Variants in SYNJ1 observed in about 807,000 individuals in gnomAD.
SYNJ1 encodes the protein polyphosphatidylinositol phosphatase SYNJ1.
In SYNJ1, 78 loss-of-function variants were observed where a neutral mutation model predicts 168.2. The ratio of observed to expected loss-of-function variants is 0.46; its 90% CI spans 0.39 to 0.56. The LOEUF (loss-of-function observed/expected upper bound fraction) is 0.56, where lower values mean the gene tolerates loss of function less well. SYNJ1 is among the 20% of genes least tolerant of loss of function. SYNJ1 has a pLI of 0.00. For synonymous variants in SYNJ1, 539 were observed against 548.6 expected, an observed-to-expected ratio of 0.98 and a Z score of 0.24; for missense variants, 1,303 against 1,597.6, an observed-to-expected ratio of 0.82 and a Z score of 3.14.
At chr21:32,694,140 C>T (rs2042121437) in intron 6 of SYNJ1, 88 bp downstream of exon 6, 1 of 875,906 alleles carries the variant, frequency 1.1e-6, no homozygotes, top group Non-Finnish European at 1.6e-6. Context: ...ATGGAACCAT[C>T]AATGAATTAA....
chr21:32,727,272 A>G (rs1181546316), intron 1 of SYNJ1, among the ~76,000 whole-genome samples: 1 of 152,166 alleles, frequency 6.6e-6, no homozygotes, highest in Non-Finnish European at 1.5e-5. Flanking sequence ...AAGATCTGTC[A>G]CTACGTTGAA....
intron 2 of SYNJ1, among the ~76,000 whole-genome samples, chr21:32,713,021 A>C (rs1332875056): frequency 6.6e-6 from 1 of 152,280 alleles, no homozygotes; most frequent in African/African-American, 2.4e-5. Context: ...AATTGGAAAT[A>C]AAGCAAATGT....
At chr21:32,705,807 G>A (rs985586049) in intron 2 of SYNJ1, among the ~76,000 whole-genome samples, 2 of 152,072 alleles carry the variant, frequency 1.3e-5, no homozygotes, top group Non-Finnish European at 2.9e-5. Flanking sequence ...GCAACGTGGC[G>A]AGACCCTGTC....
intron 18 of SYNJ1, among the ~76,000 whole-genome samples, chr21:32,663,665 A>G (rs554155295): frequency 1.3e-5 from 2 of 152,338 alleles, no homozygotes; most frequent in South Asian, 4.1e-4. Flanking sequence ...TGGCCCCCTG[A>G]GAGAATCATA....
intron 7 of SYNJ1, 141 bp downstream of exon 7, chr21:32,688,165 G>C (rs2041896406): frequency 1.4e-6 from 1 of 728,032 alleles, no homozygotes; most frequent in Admixed American, 3.0e-5. Flanking sequence ...CGTAACACTA[G>C]GTGTCACTGT....
intron 1 of SYNJ1, 108 bp downstream of exon 1, chr21:32,727,838 G>A: frequency 1.3e-6 from 2 of 1,492,010 alleles, no homozygotes; most frequent in East Asian, 2.6e-5. Context: ...GCCCCTCACC[G>A]CTCCCGCTGA....
chr21:32,631,259 T>C lies in SYNJ1; in HGVS notation c.*546A>G. The C allele has an allele frequency of 6.2e-7, 1 of 1,614,236 alleles. No homozygotes were observed. The highest frequency in any genetic ancestry group is 8.5e-7 in the Non-Finnish European group (1 of 1,180,044). On this transcript the variant is annotated 3_prime_UTR_variant, in exon 33 of 33. Coordinates refer to ENST00000674351, the MANE Select transcript of SYNJ1 (RefSeq NM_203446.3). Reference sequence around the variant, plus strand: ...TCCCTTTCACACCAAAATCCTCTTCTTCCTCGAAGGTTACCCATCCTTTCG... The same window carrying C: ...TCCCTTTCACACCAAAATCCTCTTCCTCCTCGAAGGTTACCCATCCTTTCG...
chr21:32,635,589 A>C (rs767660924), intron 31 of SYNJ1, among the ~76,000 whole-genome samples: 1 of 152,188 alleles, frequency 6.6e-6, no homozygotes, highest in African/African-American at 2.4e-5. Flanking sequence ...ACCCAAGCAG[A>C]CTAAGACACA....
chr21:32,704,045 T>C (rs1254395476), intron 2 of SYNJ1, among the ~76,000 whole-genome samples: 2 of 152,170 alleles, frequency 1.3e-5, no homozygotes, highest in Non-Finnish European at 2.9e-5. Context: ...CACCTTCCTT[T>C]AGAAAACAGA....
Position 32,629,550 on chromosome 21 carries a change from T to A in SYNJ1, c.*2255A>T, listed in dbSNP as rs910764943. 9.2e-5 allele frequency: 14 copies of A among 152,806 alleles called. No individual in the cohort carries two copies. The South Asian group carries it at 2.9e-3, about 32-fold the overall frequency. 9.5% of individuals were successfully genotyped at this position (152,806 alleles called of 1,614,324 possible). On this transcript the variant is annotated 3_prime_UTR_variant, in exon 33 of 33. Transcript: ENST00000674351. The stretch of plus-strand genomic sequence containing the variant: ...TTAACATTCTACATATTCGTAGCCA[T>A]GAACGCTATTTTTTGATATTCCCTC...
At chr21:32,653,531 T>G in intron 21 of SYNJ1, 165 bp from the exon 22 acceptor site, 1 of 577,142 alleles carries the variant, frequency 1.7e-6, no homozygotes, top group Admixed American at 3.1e-5. Flanking sequence ...GAGGGCACTC[T>G]TCCCCTAAAA....
rs907274012 is a variant in SYNJ1, at chr21:32,642,130, G to A, written c.3482C>T (p.Pro1161Leu). Residue 1161 changes from proline to leucine, a missense_variant, in exon 28 of 33, where the codon CCC (proline) becomes CTC (leucine). By Grantham distance (98) the Pro-to-Leu change is moderately conservative. Transcript: ENST00000674351. ...TTTCCTTGTTGTTCCAGGGCTTTTG[G>A]GTGCTTTGAAGCAAGAAGGGAAAAA... ...PGVARREMEAPKSPGTTRKDN... is the reference protein window; with the variant it reads ...PGVARREMEALKSPGTTRKDN... 6.2e-7 allele frequency: 1 copy of A among 1,613,842 alleles called. No homozygotes were observed. Among genetic ancestry groups the A allele is most frequent in the Non-Finnish European group, 8.5e-7 (1 of 1,179,998 alleles).
intron 18 of SYNJ1, among the ~76,000 whole-genome samples, chr21:32,659,630 C>T (rs947211614): frequency 6.6e-6 from 1 of 152,118 alleles, no homozygotes; most frequent in African/African-American, 2.4e-5. Context: ...TCACATACCC[C>T]CTGCTTGCTC....
At chr21:32,639,156 T>C in intron 30 of SYNJ1, 31 bp from the exon 31 acceptor site, 2 of 1,575,972 alleles carry the variant, frequency 1.3e-6, no homozygotes, top group Non-Finnish European at 1.7e-6. Flanking sequence ...AGATGTTAGG[T>C]ATATTCTAGA....
chr21:32,634,181 A>C (rs1204124157), intron 32 of SYNJ1, among the ~76,000 whole-genome samples: 2 of 152,210 alleles, frequency 1.3e-5, no homozygotes, highest in Non-Finnish European at 2.9e-5. Flanking sequence ...TGCATATATA[A>C]GAAAATTTTT....
In SYNJ1 at chr21:32,702,059, AG is replaced by A. The variant is rs763797914; in HGVS notation, c.125-13del. The stretch of plus-strand genomic sequence containing the variant: ...TTTTTCTGCAGATGCTACAAAAAAA[AG>A]TTTTAGTTTAAGAAAAATGACCTGA... On this transcript the variant is annotated splice_polypyrimidine_tract_variant and intron_variant, in intron 2 of 32. Transcript: ENST00000674351. 14 of 1,547,630 alleles carry A rather than the reference AG, an allele frequency of 9.0e-6. No homozygotes were observed. In the East Asian group the frequency reaches 3.2e-4, roughly 35 times the overall value.
At chr21:32,718,773 T>C (rs1480820688) in intron 2 of SYNJ1, among the ~76,000 whole-genome samples, 1 of 152,214 alleles carries the variant, frequency 6.6e-6, no homozygotes, top group African/African-American at 2.4e-5. Flanking sequence ...TTGTTTTTAA[T>C]GACTTTACTG....
chr21:32,686,220 T>C (rs1237147301), intron 8 of SYNJ1, among the ~76,000 whole-genome samples: 1 of 152,202 alleles, frequency 6.6e-6, no homozygotes, highest in African/African-American at 2.4e-5. Flanking sequence ...GACTGAAAGA[T>C]TCATATTTTA....
chr21:32,703,905 G>T (rs1386750325), intron 2 of SYNJ1, among the ~76,000 whole-genome samples: 1 of 151,716 alleles, frequency 6.6e-6, no homozygotes, highest in Non-Finnish European at 1.5e-5. Flanking sequence ...TATTTTTGTA[G>T]AGATACAGTT....
Sources: allele counts gnomAD v4.1 joint callset (sites outside exome capture counted in the v4.1 genomes callset), GRCh38; gene constraint gnomAD v4.1.1; transcripts MANE v1.5; gene names NCBI Gene and HGNC (gene_info 2026-07-23, HGNC 2026-07-21).